Variants in KCNH7 observed in about 807,000 individuals in gnomAD.
The protein encoded by KCNH7 is voltage-gated inwardly rectifying potassium channel KCNH7.
A neutral mutation model predicts 120.8 loss-of-function variants in KCNH7; 49 were observed. The observed-to-expected ratio is 0.41, with a 90% CI of 0.32 to 0.51. The LOEUF (loss-of-function observed/expected upper bound fraction) is 0.51, where lower values mean the gene tolerates loss of function less well. KCNH7 is among the 20% of genes least tolerant of loss of function. The probability of loss-of-function intolerance (pLI) is 0.38; values close to 1 mark genes in which losing one functional copy is unlikely to be tolerated. For synonymous variants in KCNH7, 547 were observed against 516.1 expected (o/e 1.06, Z -0.81); for missense variants, 1,097 against 1,446.6 (o/e 0.76, Z 3.92).
intron 2 of KCNH7, among the ~76,000 whole-genome samples, chr2:162,823,301 T>C (rs1030898645): frequency 4.6e-5 from 7 of 152,238 alleles, no homozygotes; most frequent in African/African-American, 1.7e-4. Flanking sequence ...TTATTAGTAC[T>C]ATTATTTAAA....
At chr2:162,502,046 G>A (rs554144694) in intron 6 of KCNH7, 5 of 152,044 alleles carry the variant, frequency 3.3e-5, no homozygotes, top group Non-Finnish European at 7.4e-5. Context: ...GTAGAAAAGT[G>A]TTATTTTGAA....
chr2:162,719,562 G>C (rs551893933), intron 2 of KCNH7, among the ~76,000 whole-genome samples: 50 of 152,014 alleles, frequency 3.3e-4, no homozygotes, highest in African/African-American at 1.1e-3. Context: ...GTTTTAGTGA[G>C]AAATATTTTA....
chr2:162,569,201 T>A (rs1413364348), intron 2 of KCNH7, among the ~76,000 whole-genome samples: 1 of 151,992 alleles, frequency 6.6e-6, no homozygotes, highest in East Asian at 1.9e-4. Context: ...TTGCCACAAT[T>A]TCAGCTCCTG....
intron 2 of KCNH7, among the ~76,000 whole-genome samples, chr2:162,717,471 T>C (rs1243832251): frequency 6.6e-6 from 1 of 152,160 alleles, no homozygotes; most frequent in Non-Finnish European, 1.5e-5. Flanking sequence ...AGCCTCCTGC[T>C]CACTGCTCTT....
At chr2:162,821,246 C>T (rs2105592858) in intron 2 of KCNH7, among the ~76,000 whole-genome samples, 1 of 152,278 alleles carries the variant, frequency 6.6e-6, no homozygotes, top group South Asian at 2.1e-4. Context: ...ATCTTTTTAC[C>T]TTTAGTCCAT....
At chr2:162,588,398 T>TAAC (rs1402536994) in intron 2 of KCNH7, among the ~76,000 whole-genome samples, 1 of 152,148 alleles carries the variant, frequency 6.6e-6, no homozygotes, top group Non-Finnish European at 1.5e-5. Flanking sequence ...TTTTTACTAT[T>TAAC]AACTGATTAA....
chr2:162,807,283 A>C (rs552263932), intron 2 of KCNH7, among the ~76,000 whole-genome samples: 3 of 148,564 alleles, frequency 2.0e-5, no homozygotes, highest in South Asian at 2.1e-4. Flanking sequence ...AAAAAAAAAA[A>C]CAAATTAGCC....
At chr2:162,497,491 C>CA (rs1193074981) in intron 6 of KCNH7, among the ~76,000 whole-genome samples, 1 of 152,120 alleles carries the variant, frequency 6.6e-6, no homozygotes, top group East Asian at 1.9e-4. Context: ...ACTAACCACT[C>CA]AGATTAGGAC....
At chr2:162,760,841 G>C (rs946298856) in intron 2 of KCNH7, among the ~76,000 whole-genome samples, 4 of 152,198 alleles carry the variant, frequency 2.6e-5, no homozygotes, top group African/African-American at 7.2e-5. Flanking sequence ...GCACACGTAA[G>C]ATTTCTCTAG....
intron 2 of KCNH7, among the ~76,000 whole-genome samples, chr2:162,624,889 GTTTT>G (rs66562676): frequency 8.6e-5 from 6 of 69,714 alleles, no homozygotes; most frequent in African/African-American, 3.2e-4. Context: ...TGCACTCTTG[GTTTT>G]TTTTTTTTTT....
intron 1 of KCNH7, among the ~76,000 whole-genome samples, chr2:162,837,493 A>T (rs1315513303): frequency 6.6e-6 from 1 of 152,224 alleles, no homozygotes; most frequent in Non-Finnish European, 1.5e-5. Flanking sequence ...TTTACATCAC[A>T]GATTGTATTT....
At chr2:162,492,381 C>A (rs905993113) in intron 6 of KCNH7, among the ~76,000 whole-genome samples, 9 of 152,292 alleles carry the variant, frequency 5.9e-5, no homozygotes, top group Admixed American at 2.6e-4. Context: ...TCTTTGGGGG[C>A]TTGACCTTGT....
At chr2:162,827,379 A>G (rs543821794) in intron 2 of KCNH7, among the ~76,000 whole-genome samples, 2 of 152,234 alleles carry the variant, frequency 1.3e-5, no homozygotes, top group South Asian at 4.1e-4. Context: ...GGGGCCCTTA[A>G]CCAAAAATGC....
intron 2 of KCNH7, among the ~76,000 whole-genome samples, chr2:162,625,821 G>A (rs1048749830): frequency 1.3e-5 from 2 of 152,122 alleles, no homozygotes; most frequent in East Asian, 3.9e-4. Context: ...GAAATGAAAA[G>A]ATATAGATTG....
rs1043514288 is a variant in KCNH7, at chr2:162,500,469, T to A, written c.1128+3974A>T. Among the ~76,000 whole-genome samples the A allele has an allele frequency of 4.0e-5, 6 of 151,492 alleles. No homozygotes were observed. The Admixed American group carries it at 4.0e-4, about 10-fold the overall frequency. The stretch of plus-strand genomic sequence containing the variant: ...AATGAATGAATGACCACATAGTCCC[T>A]GTGTTGAAGAAGATGACTCTAACTG... On this transcript the variant is annotated intron_variant, in intron 6 of 15. Transcript: ENST00000332142.
intron 2 of KCNH7, among the ~76,000 whole-genome samples, chr2:162,566,221 T>C (rs1559018314): frequency 6.6e-6 from 1 of 152,036 alleles, no homozygotes; most frequent in Admixed American, 6.6e-5. Flanking sequence ...CTTTCCATCA[T>C]CATTCATGGA....
At chr2:162,441,770 T>G (rs1344896105) in intron 7 of KCNH7, among the ~76,000 whole-genome samples, 1 of 152,074 alleles carries the variant, frequency 6.6e-6, no homozygotes, top group African/African-American at 2.4e-5. Context: ...TGCCAATGAT[T>G]GACATAATGG....
At chr2:162,795,116 A>T (rs1047267727) in intron 2 of KCNH7, among the ~76,000 whole-genome samples, 2 of 152,084 alleles carry the variant, frequency 1.3e-5, no homozygotes, top group Non-Finnish European at 2.9e-5. Flanking sequence ...CATTTCATAG[A>T]TACAAGCAGA....
At chr2:162,729,661 A>C in intron 2 of KCNH7, among the ~76,000 whole-genome samples, 1 of 152,210 alleles carries the variant, frequency 6.6e-6, no homozygotes, top group Non-Finnish European at 1.5e-5. Context: ...CTTCAATAAA[A>C]TGCTGACTAT....
Sources: gnomAD v4.1 joint callset for allele counts (sites outside exome capture counted in the v4.1 genomes callset) on GRCh38, gnomAD v4.1.1 for gene constraint, MANE v1.5 for transcripts, NCBI Gene and HGNC (gene_info 2026-07-23, HGNC 2026-07-21) for gene names.